The following CRLS1 variants were observed in gnomAD, a reference collection of about 807,000 sequenced individuals.
CRLS1 encodes cardiolipin synthase 1, also known as cardiolipin synthase (CMP-forming).
A neutral mutation model predicts 37.0 loss-of-function variants in CRLS1; 24 were observed. That is an observed-to-expected ratio of 0.65 (90% CI 0.47 to 0.91). CRLS1 has a LOEUF of 0.91. CRLS1 is among the 40% of genes least tolerant of loss of function. The pLI, the probability that CRLS1 is intolerant of heterozygous loss-of-function variation, is 0.00. For missense variants in CRLS1, 373 were observed against 395.8 expected (o/e 0.94, Z 0.49); for synonymous variants, 135 against 159.7 (o/e 0.85, Z 1.17).
chr20:6,015,307 T>TTAA (rs1978652345), intron 2 of CRLS1, 54 bp from the exon 3 acceptor site: 1 of 1,192,286 alleles, frequency 8.4e-7, no homozygotes, highest in East Asian at 2.6e-5. Context: ...TCAGAATATC[T>TTAA]GCTTTGTTCC....
At chr20:6,022,675 G>A (rs1979374052) in intron 3 of CRLS1, among the ~76,000 whole-genome samples, 1 of 151,966 alleles carries the variant, frequency 6.6e-6, no homozygotes, top group Admixed American at 6.6e-5. Context: ...CTTTCTTGTG[G>A]CTATTTTTAA....
chr20:6,014,992 C>T (rs1274981313), intron 2 of CRLS1, among the ~76,000 whole-genome samples: 1 of 152,066 alleles, frequency 6.6e-6, no homozygotes, highest in African/African-American at 2.4e-5. Context: ...CTAGTCCAGG[C>T]TCTGCCGTTC....
At position 6,006,555 on chromosome 20, in the gene CRLS1, A is replaced by G; in HGVS notation, c.306+3A>G. The stretch of plus-strand genomic sequence containing the variant: ...GCCCGGCGAGCACCCCCAGCCTGGT[A>G]CGTACCGATGAGGCGGCGGCGGGCC... On this transcript the variant is annotated splice_donor_region_variant and intron_variant, in intron 1 of 6. Transcript: ENST00000378863. 1 of 1,279,392 alleles carries G rather than the reference A, an allele frequency of 7.8e-7. No homozygotes were observed. The highest frequency in any genetic ancestry group is 9.8e-7 in the Non-Finnish European group (1 of 1,019,120). 79.3% of individuals were successfully genotyped at this position (1,279,392 alleles called of 1,614,324 possible).
chr20:6,030,784 A>T (rs892444408), intron 3 of CRLS1, among the ~76,000 whole-genome samples: 1 of 152,224 alleles, frequency 6.6e-6, no homozygotes, highest in Non-Finnish European at 1.5e-5. Context: ...TTCAGAGAAT[A>T]GTCTAAAATG....
In CRLS1 at chr20:6,007,446, A is replaced by T. The variant is rs746370483; in HGVS notation, c.306+894A>T. On this transcript the variant is annotated intron_variant, in intron 1 of 6. Coordinates refer to ENST00000378863, the MANE Select transcript of CRLS1 (RefSeq NM_019095.6). Reference sequence around the variant, plus strand: ...TGAGTAATCTGAGATTAGCTCTCCTAACATTAACTTTGAAACTTTTACGGA... The same window carrying T: ...TGAGTAATCTGAGATTAGCTCTCCTTACATTAACTTTGAAACTTTTACGGA... 20 of 1,604,166 alleles carry T rather than the reference A, an allele frequency of 1.2e-5. 1 individual carries two copies. In the South Asian group the frequency reaches 2.1e-4, roughly 17 times the overall value.
At chr20:6,024,141 A>G (rs185067963) in intron 3 of CRLS1, among the ~76,000 whole-genome samples, 16 of 152,166 alleles carry the variant, frequency 1.1e-4, no homozygotes, top group African/African-American at 3.9e-4. Flanking sequence ...TTTTTTATAG[A>G]GATGGGGTTT....
intron 3 of CRLS1, among the ~76,000 whole-genome samples, chr20:6,024,476 T>C (rs532381948): frequency 6.2e-4 from 94 of 152,308 alleles, no homozygotes; most frequent in African/African-American, 2.2e-3. Context: ...TTCTGACTGC[T>C]CCACCAATCT....
rs755489546 is a variant in CRLS1 at position 6,015,498 on chromosome 20, C to T, written c.574+8C>T. On this transcript the variant is annotated splice_region_variant and intron_variant, in intron 3 of 6. Coordinates refer to ENST00000378863, the MANE Select transcript of CRLS1 (RefSeq NM_019095.6). ...ATGCAGATCTTATTCCAGGTAAGAA[C>T]GCGTCATGCGTACTTTTGAATAGCA... 1.3e-5 allele frequency: 21 copies of T among 1,612,180 alleles called. No individual in the cohort carries two copies. Among genetic ancestry groups the T allele is most frequent in the Admixed American group, 6.7e-5 (4 of 59,976 alleles).
At chr20:6,009,322 CAAAAAAAAAA>C (rs60724010) in intron 1 of CRLS1, among the ~76,000 whole-genome samples, 1 of 137,944 alleles carries the variant, frequency 7.2e-6, no homozygotes, top group Non-Finnish European at 1.6e-5. Context: ...GACTCCATCT[CAAAAAAAAAA>C]AAAAAAAAAG....
chr20:6,023,908 C>T (rs1447223074), intron 3 of CRLS1, among the ~76,000 whole-genome samples: 1 of 151,994 alleles, frequency 6.6e-6, no homozygotes, highest in Non-Finnish European at 1.5e-5. Context: ...ACAAGTCTGT[C>T]AGCACCATTT....
intron 3 of CRLS1, among the ~76,000 whole-genome samples, chr20:6,022,335 C>CTTTTTTTTTTTTTTTTTTTTTT (rs34621758): frequency 1.1e-5 from 1 of 94,710 alleles, no homozygotes; most frequent in African/African-American, 4.2e-5. Context: ...TAATCCATTG[C>CTTTTTTTTTTTTTTTTTTTTTT]TTTTTTTTTT....
rs1288763181 is a variant in CRLS1 at position 6,006,356 on chromosome 20, C to G, written c.110C>G (p.Pro37Arg). Residue 37 changes from proline to arginine, a missense_variant, in exon 1 of 7, where the codon CCC becomes CGC. Transcript: ENST00000378863. ...KRRACWALLP[P>R]VPCCLGCLAE... ...CGCGCCTGCTGGGCCCTGCTGCCGC[C>G]CGTGCCCTGCTGCTTGGGCTGCCTG... 4.3e-6 allele frequency: 6 copies of G among 1,397,874 alleles called. No individual in the cohort carries two copies. The South Asian group carries it at 9.3e-5, about 22-fold the overall frequency. The allele number at this position is 1,397,874 out of a possible 1,614,324, so 86.6% of individuals were successfully genotyped here.
At chr20:6,007,152 C>T in intron 1 of CRLS1, 2 of 1,095,154 alleles carry the variant, frequency 1.8e-6, no homozygotes, top group South Asian at 4.2e-5. Flanking sequence ...GACACCCGAG[C>T]ATGAGTGTGG....
chr20:6,012,544 A>C (rs1376055403), intron 2 of CRLS1, among the ~76,000 whole-genome samples: 4 of 152,198 alleles, frequency 2.6e-5, no homozygotes, highest in African/African-American at 9.7e-5. Context: ...TTTAAAAAAA[A>C]AATTCTCTTC....
chr20:6,011,439 GCATTTC>G (rs1160851706), intron 2 of CRLS1, among the ~76,000 whole-genome samples: 1 of 151,872 alleles, frequency 6.6e-6, no homozygotes, highest in Non-Finnish European at 1.5e-5. Context: ...TTGTTACATG[GCATTTC>G]CAAACCTGCT....
intron 1 of CRLS1, among the ~76,000 whole-genome samples, 153 bp from the exon 2 acceptor site, chr20:6,009,622 T>A (rs2090105834): frequency 6.6e-6 from 1 of 152,208 alleles, no homozygotes; most frequent in Admixed American, 6.5e-5. Flanking sequence ...AAGAACAGAA[T>A]GGATTTTAAA....
At chr20:6,020,433 CT>C (rs1979159574) in intron 3 of CRLS1, among the ~76,000 whole-genome samples, 1 of 151,780 alleles carries the variant, frequency 6.6e-6, no homozygotes, top group African/African-American at 2.4e-5. Context: ...TTTTAGTTAC[CT>C]TTTTGTTACA....
intron 5 of CRLS1, among the ~76,000 whole-genome samples, chr20:6,034,159 G>A (rs1270869464): frequency 2.0e-5 from 3 of 152,228 alleles, no homozygotes; most frequent in South Asian, 2.1e-4. Flanking sequence ...TGGAAAAAAG[G>A]CAAATAATTT....
intron 1 of CRLS1, among the ~76,000 whole-genome samples, chr20:6,008,864 A>G (rs879245230): frequency 2.0e-5 from 3 of 152,140 alleles, no homozygotes; most frequent in Admixed American, 2.0e-4. Context: ...TTTTCCTGAC[A>G]CTTTTACTTG....
Sources: gnomAD v4.1 joint callset for allele counts (sites outside exome capture counted in the v4.1 genomes callset) on GRCh38, gnomAD v4.1.1 for gene constraint, MANE v1.5 for transcripts, NCBI Gene and HGNC (gene_info 2026-07-23, HGNC 2026-07-21) for gene names.